PLD5: variants seen among roughly 807,000 people sequenced by gnomAD.
The protein encoded by PLD5 is phospholipase D family member 5.
A neutral mutation model predicts 61.1 loss-of-function variants in PLD5; 36 were observed. That is an observed-to-expected ratio of 0.59 (90% confidence interval 0.45 to 0.78). The LOEUF is 0.78. Ranked by LOEUF, PLD5 falls within the 30% of genes least tolerant of loss-of-function variation. The probability of loss-of-function intolerance (pLI) is 0.00; values close to 1 mark genes in which losing one functional copy is unlikely to be tolerated. For synonymous variants in PLD5, 243 were observed against 242.8 expected, an observed-to-expected ratio of 1.00 and a Z score of -0.01; for missense variants, 515 against 644.4, an observed-to-expected ratio of 0.80 and a Z score of 2.17.
chr1:242,371,867 G>GTT (rs5782232), intron 1 of PLD5, among the ~76,000 whole-genome samples: 36 of 149,040 alleles, frequency 2.4e-4, no homozygotes, highest in Admixed American at 6.0e-4. Flanking sequence ...TTTTTTAAAA[G>GTT]TTTTTTTTTT....
intron 2 of PLD5, among the ~76,000 whole-genome samples, chr1:242,318,227 G>A (rs376597381): frequency 6.6e-6 from 1 of 152,176 alleles, no homozygotes; most frequent in Non-Finnish European, 1.5e-5. Context: ...CTGGGATTAA[G>A]ACACTTCTTT....
At chr1:242,393,167 G>C (rs927318386) in intron 1 of PLD5, among the ~76,000 whole-genome samples, 3 of 149,370 alleles carry the variant, frequency 2.0e-5, no homozygotes, top group Non-Finnish European at 3.0e-5. Flanking sequence ...TCACGCCACT[G>C]AACTCCAGCC....
chr1:242,122,984 A>G (rs1264464315), intron 6 of PLD5, among the ~76,000 whole-genome samples: 4 of 152,226 alleles, frequency 2.6e-5, no homozygotes, highest in South Asian at 2.1e-4. Context: ...AGAGAAGTTG[A>G]TCTGAACATC....
intron 2 of PLD5, among the ~76,000 whole-genome samples, chr1:242,313,334 C>T (rs964014652): frequency 5.9e-5 from 9 of 152,310 alleles, no homozygotes; most frequent in African/African-American, 2.2e-4. Context: ...TTGTGTATCT[C>T]TCATCCATAA....
intron 2 of PLD5, among the ~76,000 whole-genome samples, chr1:242,312,711 G>T (rs1034213776): frequency 6.6e-6 from 1 of 152,170 alleles, no homozygotes; most frequent in African/African-American, 2.4e-5. Context: ...TGCAAATATG[G>T]TCTAAATCTC....
intron 5 of PLD5, among the ~76,000 whole-genome samples, chr1:242,161,099 A>G (rs1365970496): frequency 6.6e-6 from 1 of 152,082 alleles, no homozygotes; most frequent in Non-Finnish European, 1.5e-5. Context: ...AATTTTGTGC[A>G]TTCTAGGTAT....
intron 2 of PLD5, among the ~76,000 whole-genome samples, chr1:242,330,027 T>A (rs1659075510): frequency 6.6e-6 from 1 of 152,192 alleles, no homozygotes; most frequent in South Asian, 2.1e-4. Context: ...TAAGACAGTT[T>A]TTTTAAAATG....
At chr1:242,338,196 C>A (rs1237048791) in intron 2 of PLD5, among the ~76,000 whole-genome samples, 2 of 152,060 alleles carry the variant, frequency 1.3e-5, no homozygotes, top group Admixed American at 6.6e-5. Flanking sequence ...AGGTCTATAA[C>A]CAAAATATAA....
At chr1:242,183,861 C>G (rs1450009182) in intron 5 of PLD5, among the ~76,000 whole-genome samples, 1 of 152,036 alleles carries the variant, frequency 6.6e-6, no homozygotes, top group Non-Finnish European at 1.5e-5. Flanking sequence ...CGCCACTGCA[C>G]TCCAGCCTGG....
chr1:242,218,169 C>A (rs1466860696), intron 5 of PLD5, among the ~76,000 whole-genome samples: 5 of 152,198 alleles, frequency 3.3e-5, no homozygotes, highest in Admixed American at 2.0e-4. Flanking sequence ...CCACCCTGAT[C>A]AGTAAGCAGC....
intron 2 of PLD5, among the ~76,000 whole-genome samples, chr1:242,345,104 GATACA>G (rs1027792669): frequency 4.6e-5 from 7 of 152,238 alleles, no homozygotes; most frequent in South Asian, 4.2e-4. Flanking sequence ...AATTCCGGGA[GATACA>G]ATACAAGTTG....
chr1:242,384,792 T>C (rs551431176), intron 1 of PLD5, among the ~76,000 whole-genome samples: 3 of 152,326 alleles, frequency 2.0e-5, no homozygotes, highest in South Asian at 2.1e-4. Flanking sequence ...AATAAAAAAT[T>C]TGAATTACCT....
chr1:242,316,451 G>C (rs1657987827), intron 2 of PLD5, among the ~76,000 whole-genome samples: 1 of 152,076 alleles, frequency 6.6e-6, no homozygotes, highest in Non-Finnish European at 1.5e-5. Context: ...CTCCTGAACT[G>C]GGGAGATGGT....
At chr1:242,469,895 A>G (rs1178972903) in intron 1 of PLD5, among the ~76,000 whole-genome samples, 3 of 152,140 alleles carry the variant, frequency 2.0e-5, no homozygotes, top group South Asian at 4.1e-4. Flanking sequence ...TGCTTCCCCA[A>G]AGCAAAATCA....
chr1:242,107,846 A>AAATC lies in PLD5; in HGVS notation c.1071-11_1071-8dup. On this transcript the variant is annotated splice_polypyrimidine_tract_variant and splice_region_variant and intron_variant, in intron 7 of 9. Coordinates refer to ENST00000536534, the MANE Select transcript of PLD5 (RefSeq NM_001372062.1). Reference sequence around the variant, plus strand: ...CAAGTCTGGCCAGTAAGTCCTGCAGAAATCATATCCAAATAGAAAAAATAA... The same window carrying AAATC: ...CAAGTCTGGCCAGTAAGTCCTGCAGAAATCAATCATATCCAAATAGAAAAAATAA... 6.3e-7 allele frequency: 1 copy of AAATC among 1,576,704 alleles called. No homozygotes were observed. The highest frequency in any genetic ancestry group is 8.6e-7 in the Non-Finnish European group (1 of 1,166,872).
At chr1:242,518,530 C>A (rs1669178010) in intron 1 of PLD5, among the ~76,000 whole-genome samples, 2 of 152,038 alleles carry the variant, frequency 1.3e-5, no homozygotes, top group South Asian at 4.2e-4. Context: ...CTGCCATGTC[C>A]CAGAATTCAA....
Position 242,089,962 on chromosome 1 carries a change from G to A in PLD5, c.1503C>T (p.Thr501=), listed in dbSNP as rs762201092. Residue 501 remains threonine, a synonymous_variant, in exon 10 of 10, where the codon ACC becomes ACT. Coordinates refer to ENST00000536534, the MANE Select transcript of PLD5 (RefSeq NM_001372062.1). ...ERDWYSPYAK[T]LQPTKQPNCS... Reference sequence around the variant, plus strand: ...AGTTCGGCTGTTTGGTTGGCTGTAAGGTTTTGGCATACGGTGAATACCAGT... The same window carrying A: ...AGTTCGGCTGTTTGGTTGGCTGTAAAGTTTTGGCATACGGTGAATACCAGT... The A allele has an allele frequency of 1.9e-6, 3 of 1,614,182 alleles. No individual in the cohort carries two copies. Among genetic ancestry groups the A allele is most frequent in the Middle Eastern group, 1.6e-4 (1 of 6,062 alleles).
At chr1:242,211,244 C>T (rs902453737) in intron 5 of PLD5, among the ~76,000 whole-genome samples, 10 of 152,202 alleles carry the variant, frequency 6.6e-5, no homozygotes, top group Non-Finnish European at 1.0e-4. Context: ...ATAGGATATA[C>T]ACACAAACCT....
intron 4 of PLD5, among the ~76,000 whole-genome samples, chr1:242,261,928 A>G (rs1673396213): frequency 3.9e-5 from 6 of 152,198 alleles, no homozygotes; most frequent in Admixed American, 3.9e-4. Context: ...TATCTATCGA[A>G]ATCGAACACA....
Sources: gnomAD v4.1 joint callset for allele counts (sites outside exome capture counted in the v4.1 genomes callset) on GRCh38, gnomAD v4.1.1 for gene constraint, MANE v1.5 for transcripts, NCBI Gene and HGNC (gene_info 2026-07-23, HGNC 2026-07-21) for gene names.